EML6: variants seen among roughly 807,000 people sequenced by gnomAD.
EML6 encodes the protein EMAP like 6.
In EML6, 154 loss-of-function variants were observed where a neutral mutation model predicts 240.1. The ratio of observed to expected loss-of-function variants is 0.64; its 90% CI spans 0.56 to 0.73. The LOEUF is 0.73. Among genes scored for constraint, EML6 ranks in the 30% least tolerant of loss-of-function variants. EML6 has a pLI of 0.00. For synonymous variants in EML6, 1,148 were observed against 899.0 expected (o/e 1.28, Z -4.95); for missense variants, 2,964 against 2,474.6 (o/e 1.20, Z -4.20).
chr2:54,900,047 C>T (rs1228438069), intron 22 of EML6, among the ~76,000 whole-genome samples: 1 of 152,202 alleles, frequency 6.6e-6, no homozygotes, highest in Admixed American at 6.5e-5. Context: ...TATGTCCTTC[C>T]TCTTCTCATT....
At chr2:54,795,344 A>G (rs1006620036) in intron 2 of EML6, among the ~76,000 whole-genome samples, 18 of 152,284 alleles carry the variant, frequency 1.2e-4, no homozygotes, top group Admixed American at 7.2e-4. Flanking sequence ...CTTGAAAACC[A>G]TCAGATCTTG....
intron 2 of EML6, among the ~76,000 whole-genome samples, chr2:54,741,808 A>T (rs969399068): frequency 1.3e-5 from 2 of 152,254 alleles, no homozygotes; most frequent in Middle Eastern, 3.2e-3. Flanking sequence ...ATCCATAGTG[A>T]TATAAATAAC....
chr2:54,798,885 C>T (rs1230644352), intron 2 of EML6, among the ~76,000 whole-genome samples: 1 of 152,184 alleles, frequency 6.6e-6, no homozygotes, highest in Non-Finnish European at 1.5e-5. Flanking sequence ...AGTATTTCAG[C>T]ATTAAATATT....
chr2:54,933,029 G>T (rs1674943109), intron 28 of EML6, among the ~76,000 whole-genome samples: 1 of 152,180 alleles, frequency 6.6e-6, no homozygotes, highest in Non-Finnish European at 1.5e-5. Flanking sequence ...AAATCTTGCT[G>T]CCAGGATTCT....
chr2:54,751,216 T>C (rs753559130), intron 2 of EML6, among the ~76,000 whole-genome samples: 1 of 152,208 alleles, frequency 6.6e-6, no homozygotes, highest in Non-Finnish European at 1.5e-5. Context: ...CAGAATCATC[T>C]GGGCATGTTA....
At chr2:54,733,901 A>T in intron 2 of EML6, among the ~76,000 whole-genome samples, 1 of 152,318 alleles carries the variant, frequency 6.6e-6, no homozygotes, top group South Asian at 2.1e-4. Context: ...GAGAGAATAA[A>T]TGGCAACTTT....
intron 26 of EML6, among the ~76,000 whole-genome samples, chr2:54,927,638 T>A (rs1228707666): frequency 1.3e-5 from 2 of 152,212 alleles, no homozygotes; most frequent in East Asian, 3.8e-4. Context: ...AGCAGCTGAC[T>A]CACATTCCAC....
At chr2:54,763,217 C>T (rs1005965308) in intron 2 of EML6, among the ~76,000 whole-genome samples, 3 of 152,138 alleles carry the variant, frequency 2.0e-5, no homozygotes, top group South Asian at 2.1e-4. Flanking sequence ...GATTTATTTG[C>T]AGTTCTTTTA....
intron 17 of EML6, among the ~76,000 whole-genome samples, chr2:54,886,919 G>C (rs1391748367): frequency 7.2e-5 from 11 of 152,190 alleles, no homozygotes; most frequent in Non-Finnish European, 1.6e-4. Flanking sequence ...ATACCAGAGA[G>C]TAGGGAGGCA....
At chr2:54,870,542 A>G (rs1259179247) in intron 15 of EML6, among the ~76,000 whole-genome samples, 1 of 152,326 alleles carries the variant, frequency 6.6e-6, no homozygotes, top group East Asian at 1.9e-4. Flanking sequence ...TTAGAGACCT[A>G]CTGTGTTAGC....
At chr2:54,928,965 G>T (rs1674711272) in intron 28 of EML6, among the ~76,000 whole-genome samples, 1 of 152,170 alleles carries the variant, frequency 6.6e-6, no homozygotes, top group African/African-American at 2.4e-5. Context: ...TGTGGAAGTT[G>T]GTTATGGAAT....
rs967524687 is a variant in EML6, at chr2:54,971,656, C to G, written c.*1561C>G. On this transcript the variant is annotated 3_prime_UTR_variant, in exon 42 of 42. Coordinates refer to ENST00000356458, the MANE Select transcript of EML6 (RefSeq NM_001039753.4). Reference sequence around the variant, plus strand: ...AGGTTGTTGGGCCCGCAGTAGAGTCCCTATGCAGTCCCAATTCTGTTTTCT... The same window carrying G: ...AGGTTGTTGGGCCCGCAGTAGAGTCGCTATGCAGTCCCAATTCTGTTTTCT... The G allele has an allele frequency of 6.6e-6, 1 of 152,102 alleles. No individual in the cohort carries two copies. The highest frequency in any genetic ancestry group is 1.5e-5 in the Non-Finnish European group (1 of 68,030). The allele number at this position is 152,102 out of a possible 1,614,324, so 9.4% of individuals were successfully genotyped here. A position where few individuals can be genotyped will look rare whatever the true frequency, so the allele number is the denominator to read the frequency against.
intron 21 of EML6, among the ~76,000 whole-genome samples, chr2:54,899,118 T>G (rs1368280071): frequency 6.6e-6 from 1 of 152,190 alleles, no homozygotes; most frequent in Non-Finnish European, 1.5e-5. Flanking sequence ...TTACTTCTGC[T>G]CTGCCGAATG....
rs79269006 is a variant in EML6, at chr2:54,968,572, G to T, written c.5752-96G>T. 1,116 of 776,328 alleles carry T rather than the reference G, an allele frequency of 1.4e-3. 25 individuals are homozygous for T. The East Asian group carries it at 0.029, about 20-fold the overall frequency. 48.1% of individuals were successfully genotyped at this position (776,328 alleles called of 1,614,324 possible). A position where few individuals can be genotyped will look rare whatever the true frequency, so the allele number is the denominator to read the frequency against. ...CAAATGGAAGTCCCCAGTGAAGGAAGGTTCTGGGAGCAGGGGATTTGAGTG... is the reference window on the plus strand; with the variant it reads ...CAAATGGAAGTCCCCAGTGAAGGAATGTTCTGGGAGCAGGGGATTTGAGTG... On this transcript the variant is annotated intron_variant, in intron 40 of 41. Transcript: ENST00000356458.
chr2:54,890,393 C>G (rs1200843154), intron 17 of EML6, among the ~76,000 whole-genome samples: 1 of 152,156 alleles, frequency 6.6e-6, no homozygotes, highest in African/African-American at 2.4e-5. Flanking sequence ...CAAATAGTCC[C>G]TCTCATGCTG....
intron 26 of EML6, among the ~76,000 whole-genome samples, chr2:54,921,046 C>G (rs1674223809): frequency 6.6e-6 from 1 of 151,836 alleles, no homozygotes; most frequent in Admixed American, 6.6e-5. Context: ...CTAACATGCT[C>G]AATGATGAAA....
intron 7 of EML6, among the ~76,000 whole-genome samples, chr2:54,841,586 C>CTTTTTTT (rs3038252): frequency 1.0e-4 from 12 of 118,886 alleles, no homozygotes; most frequent in South Asian, 2.8e-4. Flanking sequence ...TTTGTCTTGG[C>CTTTTTTT]TTTTTTTTTT....
rs574522064 is a variant in EML6, at chr2:54,813,395, T to C, written c.357+4T>C. 3 of 1,549,598 alleles carry C rather than the reference T, an allele frequency of 1.9e-6. No individual in the cohort carries two copies. The Admixed American group carries it at 5.9e-5, about 31-fold the overall frequency. On this transcript the variant is annotated splice_donor_region_variant and intron_variant, in intron 3 of 41. Transcript: ENST00000356458. ...GGCTTTTGACTCAGATGGACAGGTG[T>C]GTATCTTTTTTTAGTTGTTTTATTT...
At chr2:54,812,620 C>A (rs1415032089) in intron 2 of EML6, among the ~76,000 whole-genome samples, 3 of 151,856 alleles carry the variant, frequency 2.0e-5, no homozygotes, top group African/African-American at 7.3e-5. Flanking sequence ...TTTTATCGAA[C>A]TACAGAGAAA....
Sources: gnomAD v4.1 joint callset for allele counts (sites outside exome capture counted in the v4.1 genomes callset) on GRCh38, gnomAD v4.1.1 for gene constraint, MANE v1.5 for transcripts, NCBI Gene and HGNC (gene_info 2026-07-23, HGNC 2026-07-21) for gene names.